The following LDLRAD4 variants were observed in gnomAD, a reference collection of about 807,000 sequenced individuals.
LDLRAD4 encodes low-density lipoprotein receptor class A domain-containing protein 4.
Under a neutral mutation model 17.0 loss-of-function variants are expected in LDLRAD4, and 5 were observed. That is an observed-to-expected ratio of 0.29 (90% confidence interval 0.15 to 0.62). LDLRAD4 has a LOEUF of 0.62. LDLRAD4 is among the 20% of genes least tolerant of loss of function. The pLI is 0.84. For missense variants in LDLRAD4, 340 were observed against 424.7 expected (o/e 0.80, Z 1.75); for synonymous variants, 168 against 171.8 (o/e 0.98, Z 0.17).
At chr18:13,547,065 C>T (rs1348110058) in intron 3 of LDLRAD4, among the ~76,000 whole-genome samples, 1 of 152,116 alleles carries the variant, frequency 6.6e-6, no homozygotes, top group Admixed American at 6.5e-5. Context: ...TGCAGTGGGC[C>T]CCGATGTTGA....
chr18:13,350,321 T>C (rs906048149), intron 1 of LDLRAD4, among the ~76,000 whole-genome samples: 3 of 152,198 alleles, frequency 2.0e-5, no homozygotes, highest in Non-Finnish European at 4.4e-5. Context: ...ATAATTCCCA[T>C]TCTGACTTGT....
At chr18:13,528,528 G>T (rs893284787) in intron 3 of LDLRAD4, among the ~76,000 whole-genome samples, 1 of 152,066 alleles carries the variant, frequency 6.6e-6, no homozygotes, top group Non-Finnish European at 1.5e-5. Context: ...AGCCGGGCTG[G>T]TCTCAAACTC....
intron 3 of LDLRAD4, among the ~76,000 whole-genome samples, chr18:13,459,159 C>CAAAAAAAAAAAAAAAAAAAAA (rs534798084): frequency 1.9e-5 from 1 of 53,736 alleles, no homozygotes; most frequent in African/African-American, 6.0e-5. Flanking sequence ...ATCTCTACAC[C>CAAAAAAAAAAAAAAAAAAAAA]AAAAAAAAAA....
At position 13,300,117 on chromosome 18, in the gene LDLRAD4, A is replaced by C. The variant is rs1327172656; in HGVS notation, c.-383+21929A>C. Among the ~76,000 whole-genome samples, 1 of 152,068 alleles carries C rather than the reference A, an allele frequency of 6.6e-6. No individual in the cohort carries two copies. Among genetic ancestry groups the C allele is most frequent in the African/African-American group, 2.4e-5 (1 of 41,384 alleles). On this transcript the variant is annotated intron_variant, in intron 1 of 5. Transcript: ENST00000359446. The surrounding 1 kb of genome is among the most constrained non-coding windows in gnomAD (Gnocchi z 4.2). ...TGTGGCTCTGCCCCATGCTTCACAC[A>C]TCTTGGTTCCTGCAAATTCCATGCC...
intron 1 of LDLRAD4, among the ~76,000 whole-genome samples, chr18:13,294,572 C>T (rs754594483): frequency 1.3e-5 from 2 of 152,190 alleles, no homozygotes; most frequent in African/African-American, 2.4e-5. Flanking sequence ...TGAGAGGTCA[C>T]GCGACCTCCT....
chr18:13,549,104 A>T (rs2094404145), intron 3 of LDLRAD4, among the ~76,000 whole-genome samples: 1 of 152,114 alleles, frequency 6.6e-6, no homozygotes. Flanking sequence ...ACAAAGTCAT[A>T]GTTGCATGTG....
chr18:13,556,203 C>T (rs1003690599), intron 3 of LDLRAD4, among the ~76,000 whole-genome samples: 1 of 152,182 alleles, frequency 6.6e-6, no homozygotes, highest in African/African-American at 2.4e-5. Context: ...GAGTCTATTG[C>T]ATTGTTGTTT....
At chr18:13,293,908 G>T (rs779542967) in intron 1 of LDLRAD4, among the ~76,000 whole-genome samples, 32 of 152,162 alleles carry the variant, frequency 2.1e-4, no homozygotes, top group Non-Finnish European at 4.1e-4. Flanking sequence ...CAACCTTAGG[G>T]ATCACATAGG....
At chr18:13,420,199 C>T (rs2089314008) in intron 2 of LDLRAD4, 1 of 152,206 alleles carries the variant, frequency 6.6e-6, no homozygotes, top group South Asian at 2.1e-4. Flanking sequence ...AGGTTGGTGG[C>T]AGATTGTGGA....
At chr18:13,564,802 G>T (rs1222222904) in intron 3 of LDLRAD4, among the ~76,000 whole-genome samples, 1 of 152,152 alleles carries the variant, frequency 6.6e-6, no homozygotes, top group African/African-American at 2.4e-5. Flanking sequence ...TGGCTGGTCG[G>T]GGGTCATTCA....
exon 6 of LDLRAD4, chr18:13,652,337 T>C (rs971179151): frequency 1.3e-5 from 2 of 152,268 alleles, no homozygotes; most frequent in African/African-American, 4.8e-5. Flanking sequence ...AATTGTATAC[T>C]TGTCTAGTTT....
chr18:13,381,030 A>T (rs939493035), intron 1 of LDLRAD4, among the ~76,000 whole-genome samples: 12 of 141,214 alleles, frequency 8.5e-5, no homozygotes, highest in East Asian at 2.0e-4. Context: ...TTCCATGTGG[A>T]TTTTCTGTGC....
chr18:13,224,334 T>A (rs2041631098), intron 1 of LDLRAD4, among the ~76,000 whole-genome samples: 1 of 151,980 alleles, frequency 6.6e-6, no homozygotes, highest in Non-Finnish European at 1.5e-5. Context: ...CCTGGTGGAG[T>A]GTGACTGCCC....
At chr18:13,520,984 T>C (rs966384557) in intron 3 of LDLRAD4, 2 of 152,248 alleles carry the variant, frequency 1.3e-5, no homozygotes, top group Non-Finnish European at 2.9e-5. Flanking sequence ...GCCACTGGAA[T>C]TCGTCTTCCT....
At chr18:13,412,664 G>C (rs1337059346) in intron 2 of LDLRAD4, among the ~76,000 whole-genome samples, 1 of 152,154 alleles carries the variant, frequency 6.6e-6, no homozygotes. Context: ...ATATAATTAC[G>C]GTGGTGAGAA....
At chr18:13,532,161 T>TA (rs1345360421) in intron 3 of LDLRAD4, among the ~76,000 whole-genome samples, 1 of 152,156 alleles carries the variant, frequency 6.6e-6, no homozygotes, top group Non-Finnish European at 1.5e-5. Flanking sequence ...GCCGGGCTGT[T>TA]AAAGTCACCC....
intron 1 of LDLRAD4, among the ~76,000 whole-genome samples, chr18:13,230,276 A>G (rs188519108): frequency 6.6e-6 from 1 of 152,336 alleles, no homozygotes; most frequent in Admixed American, 6.5e-5. Flanking sequence ...TGCTGTTTCT[A>G]AATGACCCCA....
intron 2 of LDLRAD4, among the ~76,000 whole-genome samples, chr18:13,421,887 G>A (rs182054661): frequency 8.8e-4 from 134 of 152,288 alleles, no homozygotes; most frequent in Non-Finnish European, 1.4e-3. Flanking sequence ...AGGAGTCCTC[G>A]CTGCACCTGC....
chr18:13,616,555 C>T (rs1171511287), intron 3 of LDLRAD4, among the ~76,000 whole-genome samples: 1 of 152,200 alleles, frequency 6.6e-6, no homozygotes, highest in Non-Finnish European at 1.5e-5. Context: ...GGCTCTGCCG[C>T]GTGTGTGGGC....
Sources: allele counts gnomAD v4.1 joint callset (sites outside exome capture counted in the v4.1 genomes callset), GRCh38; gene constraint gnomAD v4.1.1; non-coding constraint Gnocchi (gnomAD v3.1); transcripts MANE v1.5; gene names NCBI Gene and HGNC (gene_info 2026-07-23, HGNC 2026-07-21).